The following JMJD1C variants were observed in gnomAD, a reference collection of about 807,000 sequenced individuals.
JMJD1C encodes the protein jumonji domain-containing protein 1C.
A neutral mutation model predicts 245.3 loss-of-function variants in JMJD1C; 31 were observed. That is an observed-to-expected ratio of 0.13 (90% confidence interval 0.09 to 0.17). The LOEUF is 0.17. JMJD1C is among the 10% of genes least tolerant of loss of function. The pLI, the probability that JMJD1C is intolerant of heterozygous loss-of-function variation, is 1.00. For synonymous variants in JMJD1C, 1,057 were observed against 1,017.4 expected (o/e 1.04, Z -0.74); for missense variants, 2,691 against 3,000.2 (o/e 0.90, Z 2.41).
chr10:63,344,745 T>C (rs949807569), intron 2 of JMJD1C, among the ~76,000 whole-genome samples: 1 of 149,154 alleles, frequency 6.7e-6, no homozygotes, highest in Non-Finnish European at 1.5e-5. Context: ...AAAAAAAAAA[T>C]AGACGGTAAA....
chr10:63,408,894 A>G (rs933799904), intron 1 of JMJD1C, among the ~76,000 whole-genome samples: 56 of 152,312 alleles, frequency 3.7e-4, no homozygotes, highest in African/African-American at 1.3e-3. Context: ...AAGATTTCAT[A>G]AAGAAGATAA....
At chr10:63,188,648 A>G (rs1444862005) in intron 18 of JMJD1C, among the ~76,000 whole-genome samples, 1 of 152,230 alleles carries the variant, frequency 6.6e-6, no homozygotes, top group East Asian at 1.9e-4. Flanking sequence ...TATATCAAAC[A>G]TTATCAAAAC....
chr10:63,339,615 C>G (rs989393711), intron 2 of JMJD1C, among the ~76,000 whole-genome samples: 23 of 78,232 alleles, frequency 2.9e-4, no homozygotes, highest in Admixed American at 1.8e-3. Context: ...AGACCACCAT[C>G]TCTAATTTAA....
intron 22 of JMJD1C, among the ~76,000 whole-genome samples, chr10:63,179,489 C>A (rs1343820189): frequency 6.6e-6 from 1 of 151,594 alleles, no homozygotes; most frequent in African/African-American, 2.4e-5. Flanking sequence ...AAAATGAAAT[C>A]ACTGCTGGGT....
intron 1 of JMJD1C, among the ~76,000 whole-genome samples, chr10:63,400,072 G>A (rs1013407409): frequency 1.3e-5 from 2 of 152,084 alleles, no homozygotes; most frequent in African/African-American, 4.8e-5. Flanking sequence ...AGCAATCACA[G>A]CTTAAAAGGT....
chr10:63,498,005 A>C (rs1954415228), intron 1 of JMJD1C, among the ~76,000 whole-genome samples: 2 of 152,220 alleles, frequency 1.3e-5, no homozygotes, highest in African/African-American at 4.8e-5. Context: ...TGAGTTGTGC[A>C]GTGAAGTTAT....
At chr10:63,335,023 G>GCAAAA (rs1554891434) in intron 2 of JMJD1C, among the ~76,000 whole-genome samples, 1 of 100,836 alleles carries the variant, frequency 9.9e-6, no homozygotes, top group Non-Finnish European at 1.9e-5. Flanking sequence ...TCTGTCTTTG[G>GCAAAA]AAAAAAATAA....
chr10:63,500,429 A>G (rs1383339415), intron 1 of JMJD1C, among the ~76,000 whole-genome samples: 8 of 133,268 alleles, frequency 6.0e-5, no homozygotes, highest in South Asian at 2.3e-4. Context: ...TCTCCAAAGG[A>G]AAAAAAAAAA....
chr10:63,354,897 C>A lies in JMJD1C; in HGVS notation c.333+25421G>T, dbSNP rs576951648. On this transcript the variant is annotated intron_variant, in intron 2 of 25. Coordinates refer to ENST00000399262, the MANE Select transcript of JMJD1C (RefSeq NM_032776.3). ...AAAAAGTCAGGCATGGTGGTGTGCA[C>A]CTGTGGTCCCAGCTACTTGGGAGGC... Among the ~76,000 whole-genome samples the A allele has an allele frequency of 4.0e-5, 6 of 150,486 alleles. 1 individual carries two copies. The highest frequency in any genetic ancestry group is 1.2e-4 in the African/African-American group (5 of 40,936).
chr10:63,297,109 T>C (rs1859523317), intron 2 of JMJD1C, among the ~76,000 whole-genome samples: 1 of 152,202 alleles, frequency 6.6e-6, no homozygotes, highest in African/African-American at 2.4e-5. Context: ...TTTAGTTGTG[T>C]CGACAGCGAA....
chr10:63,469,258 T>A (rs541345721), upstream of JMJD1C, among the ~76,000 whole-genome samples: 1 of 152,230 alleles, frequency 6.6e-6, no homozygotes, highest in Non-Finnish European at 1.5e-5. Flanking sequence ...CCACCACTTA[T>A]AGAACACTTA....
intron 1 of JMJD1C, among the ~76,000 whole-genome samples, chr10:63,453,535 G>A (rs1248193901): frequency 1.3e-5 from 2 of 152,022 alleles, no homozygotes; most frequent in African/African-American, 4.8e-5. Context: ...TTATATTACT[G>A]GAGAAAAAGT....
chr10:63,388,982 T>C (rs758342946), intron 1 of JMJD1C, among the ~76,000 whole-genome samples: 50 of 152,000 alleles, frequency 3.3e-4, no homozygotes, highest in Admixed American at 5.2e-4. Context: ...TCTAAACATA[T>C]ATGCACCAAA....
intron 2 of JMJD1C, among the ~76,000 whole-genome samples, chr10:63,289,069 A>T (rs942558628): frequency 6.6e-6 from 1 of 152,050 alleles, no homozygotes; most frequent in Admixed American, 6.6e-5. Context: ...CTAGAATCCC[A>T]GTATTTTAAT....
intron 1 of JMJD1C, among the ~76,000 whole-genome samples, chr10:63,440,347 A>T (rs1951299527): frequency 1.4e-5 from 1 of 70,146 alleles, no homozygotes; most frequent in African/African-American, 4.0e-5. Context: ...AAAGAAAAAA[A>T]AAAAAAATAT....
chr10:63,344,381 T>G (rs1299236326), intron 2 of JMJD1C, among the ~76,000 whole-genome samples: 1 of 152,184 alleles, frequency 6.6e-6, no homozygotes, highest in Non-Finnish European at 1.5e-5. Context: ...AAGTATATAG[T>G]AGGCAAACCA....
At chr10:63,368,013 C>A (rs1945998704) in intron 2 of JMJD1C, among the ~76,000 whole-genome samples, 1 of 152,150 alleles carries the variant, frequency 6.6e-6, no homozygotes, top group Non-Finnish European at 1.5e-5. Flanking sequence ...ATAGGACATG[C>A]TAATTGAAAG....
Position 63,374,107 on chromosome 10 carries a change from A to G in JMJD1C, c.333+6211T>C, listed in dbSNP as rs550066423. Among the ~76,000 whole-genome samples the G allele has an allele frequency of 2.0e-5, 3 of 152,312 alleles. No homozygotes were observed. The East Asian group carries it at 5.8e-4, about 29-fold the overall frequency. The stretch of plus-strand genomic sequence containing the variant: ...AACATACAATTCAAAAAGACTTACT[A>G]TCAAACAACTGGCTAAGCAAACTAT... On this transcript the variant is annotated intron_variant, in intron 2 of 25. Transcript: ENST00000399262.
At chr10:63,182,410 A>T (rs1843599648) in intron 22 of JMJD1C, among the ~76,000 whole-genome samples, 3 of 152,224 alleles carry the variant, frequency 2.0e-5, no homozygotes, top group African/African-American at 7.2e-5. Context: ...GAGTGACAGC[A>T]GTAGCAATAG....
Sources: allele counts gnomAD v4.1 joint callset (sites outside exome capture counted in the v4.1 genomes callset), GRCh38; gene constraint gnomAD v4.1.1; transcripts MANE v1.5; gene names NCBI Gene and HGNC (gene_info 2026-07-23, HGNC 2026-07-21).